Variants in GALNT13 observed in about 807,000 individuals in gnomAD.
The protein encoded by GALNT13 is UDP-GalNAc:polypeptide N-acetylgalactosaminyltransferase 13.
In GALNT13, 28 loss-of-function variants were observed where a neutral mutation model predicts 64.2. That is an observed-to-expected ratio of 0.44 (90% CI 0.32 to 0.60). The LOEUF (loss-of-function observed/expected upper bound fraction) is 0.60, where lower values mean the gene tolerates loss of function less well. GALNT13 is among the 20% of genes least tolerant of loss of function. GALNT13 has a pLI of 0.05. For missense variants in GALNT13, 577 were observed against 669.8 expected (o/e 0.86, Z 1.53); for synonymous variants, 214 against 224.6 (o/e 0.95, Z 0.42).
the GALNT13 span, among the ~76,000 whole-genome samples, chr2:153,831,565 G>GACTTCCA: frequency 6.6e-6 from 1 of 151,756 alleles, no homozygotes; most frequent in African/African-American, 2.4e-5. Flanking sequence ...TCACGCCTCA[G>GACTTCCA]CACCCAGAAA....
the GALNT13 span, among the ~76,000 whole-genome samples, chr2:153,107,254 A>G: frequency 1.5e-4 from 23 of 152,256 alleles, no homozygotes; most frequent in South Asian, 8.3e-4. Context: ...GGCTAAGACA[A>G]TGTCCAGTTG....
the GALNT13 span, among the ~76,000 whole-genome samples, chr2:153,180,643 A>G: frequency 6.6e-6 from 1 of 151,990 alleles, no homozygotes; most frequent in Non-Finnish European, 1.5e-5. Context: ...TGAAGCCCTC[A>G]GGTTCTGGGC....
At chr2:153,542,040 G>A in the GALNT13 span, among the ~76,000 whole-genome samples, 15 of 152,168 alleles carry the variant, frequency 9.9e-5, no homozygotes, top group Non-Finnish European at 5.9e-5. Context: ...ATTAAAGGCC[G>A]GGTACAGTGG....
intron 3 of GALNT13, among the ~76,000 whole-genome samples, chr2:153,992,171 A>G (rs1695201263): frequency 6.6e-6 from 1 of 152,216 alleles, no homozygotes. Flanking sequence ...AAGTTCTTCA[A>G]ATAACTAGAA....
chr2:154,409,093 C>G lies in GALNT13; in HGVS notation c.1395+11C>G. 6.6e-7 allele frequency: 1 copy of G among 1,511,986 alleles called. No individual in the cohort carries two copies. Among genetic ancestry groups the G allele is most frequent in the Non-Finnish European group, 9.2e-7 (1 of 1,087,616 alleles). 93.7% of individuals were successfully genotyped at this position (1,511,986 alleles called of 1,614,324 possible). A position where few individuals can be genotyped will look rare whatever the true frequency, so the allele number is the denominator to read the frequency against. ...ATGGGAGGAAATCAGGTAAACTCTCCCTTTTTATCAGCTTCATGTTTTAGA... is the reference window on the plus strand; with the variant it reads ...ATGGGAGGAAATCAGGTAAACTCTCGCTTTTTATCAGCTTCATGTTTTAGA... On this transcript the variant is annotated intron_variant, in intron 11 of 12. Transcript: ENST00000392825.
intron 6 of GALNT13, among the ~76,000 whole-genome samples, chr2:154,243,536 T>C (rs1689611658): frequency 6.6e-6 from 1 of 152,176 alleles, no homozygotes; most frequent in African/African-American, 2.4e-5. Context: ...TTCAACAATG[T>C]CACCTTATAC....
At chr2:154,070,431 G>GT (rs1418179851) in intron 3 of GALNT13, among the ~76,000 whole-genome samples, 3 of 151,974 alleles carry the variant, frequency 2.0e-5, no homozygotes, top group Non-Finnish European at 4.4e-5. Context: ...CTAAATTAGC[G>GT]TAAAAAGCAA....
At chr2:153,738,275 A>G in the GALNT13 span, among the ~76,000 whole-genome samples, 1 of 151,812 alleles carries the variant, frequency 6.6e-6, no homozygotes, top group Non-Finnish European at 1.5e-5. Flanking sequence ...TTTCTATTTC[A>G]ACCTTTTACT....
At chr2:154,013,914 C>A (rs559888502) in intron 3 of GALNT13, among the ~76,000 whole-genome samples, 65 of 152,282 alleles carry the variant, frequency 4.3e-4, no homozygotes, top group African/African-American at 1.4e-3. Context: ...GTCTGCTGGA[C>A]TTCTCTGATG....
At chr2:153,598,209 A>G in the GALNT13 span, among the ~76,000 whole-genome samples, 2 of 152,146 alleles carry the variant, frequency 1.3e-5, no homozygotes, top group Non-Finnish European at 2.9e-5. Context: ...AAATTTTAGT[A>G]TGACCAGATA....
chr2:154,250,922 A>G (rs1424343484), intron 7 of GALNT13, among the ~76,000 whole-genome samples: 1 of 152,102 alleles, frequency 6.6e-6, no homozygotes, highest in Admixed American at 6.6e-5. Context: ...TGAAAGAAAT[A>G]ACTAACTTTG....
chr2:153,487,964 C>T, the GALNT13 span, among the ~76,000 whole-genome samples: 1 of 152,130 alleles, frequency 6.6e-6, no homozygotes, highest in African/African-American at 2.4e-5. Flanking sequence ...TTAAAAAGAA[C>T]CTCTGCAGGC....
chr2:154,182,562 T>C (rs1686017829), intron 4 of GALNT13, among the ~76,000 whole-genome samples: 1 of 151,268 alleles, frequency 6.6e-6, no homozygotes. Flanking sequence ...ACCCAAACAC[T>C]GTTTATGTAG....
At chr2:154,265,067 T>C (rs1384584632) in intron 8 of GALNT13, among the ~76,000 whole-genome samples, 1 of 151,124 alleles carries the variant, frequency 6.6e-6, no homozygotes, top group African/African-American at 2.4e-5. Context: ...ATGGGAAAAA[T>C]AGAGAGATGA....
the GALNT13 span, among the ~76,000 whole-genome samples, chr2:153,099,332 TA>T: frequency 6.6e-6 from 1 of 152,124 alleles, no homozygotes; most frequent in Non-Finnish European, 1.5e-5. Flanking sequence ...AGGAATGGAT[TA>T]AAAATGATCA....
chr2:154,144,186 AG>A (rs1487667145), intron 4 of GALNT13, among the ~76,000 whole-genome samples: 2 of 152,166 alleles, frequency 1.3e-5, no homozygotes, highest in Non-Finnish European at 1.5e-5. Context: ...CAAAATTCCT[AG>A]ACAAGTCACA....
At chr2:153,352,565 T>A in the GALNT13 span, among the ~76,000 whole-genome samples, 1 of 152,152 alleles carries the variant, frequency 6.6e-6, no homozygotes, top group Non-Finnish European at 1.5e-5. Flanking sequence ...TTGTGTGTTA[T>A]CTTCTAGGAG....
chr2:154,310,136 T>C (rs552220745), intron 9 of GALNT13, among the ~76,000 whole-genome samples: 1 of 152,214 alleles, frequency 6.6e-6, no homozygotes, highest in South Asian at 2.1e-4. Context: ...CCCCTATCAA[T>C]TGGGTTTGAT....
At chr2:154,050,544 C>CT (rs960507404) in intron 3 of GALNT13, among the ~76,000 whole-genome samples, 8 of 151,506 alleles carry the variant, frequency 5.3e-5, no homozygotes, top group African/African-American at 9.7e-5. Flanking sequence ...CCACTCTTCA[C>CT]TTTTTTTTTC....
Sources: gnomAD v4.1 joint callset for allele counts (sites outside exome capture counted in the v4.1 genomes callset) on GRCh38, gnomAD v4.1.1 for gene constraint, MANE v1.5 for transcripts, NCBI Gene and HGNC (gene_info 2026-07-23, HGNC 2026-07-21) for gene names.